The following MAP2 variants were observed in gnomAD, a reference collection of about 807,000 sequenced individuals.
The protein encoded by MAP2 is microtubule-associated protein 2.
A neutral mutation model predicts 137.6 loss-of-function variants in MAP2; 14 were observed. The observed-to-expected ratio is 0.10, with a 90% confidence interval of 0.07 to 0.16. The LOEUF (loss-of-function observed/expected upper bound fraction) is 0.16. Ranked by LOEUF, MAP2 falls within the 10% of genes least tolerant of loss-of-function variation. MAP2 has a pLI of 1.00. For missense variants in MAP2, 2,088 were observed against 2,191.5 expected (o/e 0.95, Z 0.94); for synonymous variants, 786 against 782.3 (o/e 1.00, Z -0.08).
At chr2:209,619,871 C>T (rs949441767) in intron 3 of MAP2, among the ~76,000 whole-genome samples, 2 of 152,108 alleles carry the variant, frequency 1.3e-5, no homozygotes, top group African/African-American at 4.8e-5. Context: ...GTTTCTCCAC[C>T]CCTTGCATTT....
intron 1 of MAP2, among the ~76,000 whole-genome samples, chr2:209,433,714 A>G (rs1694942290): frequency 6.6e-6 from 1 of 152,146 alleles, no homozygotes; most frequent in Non-Finnish European, 1.5e-5. Context: ...AAACAAGAGT[A>G]GACTTTTGGT....
chr2:209,465,355 A>G (rs546673310), intron 1 of MAP2, among the ~76,000 whole-genome samples: 157 of 152,294 alleles, frequency 1.0e-3, no homozygotes, highest in Non-Finnish European at 1.8e-3. Flanking sequence ...CTATCATTGG[A>G]GTGAGTAATA....
intron 7 of MAP2, among the ~76,000 whole-genome samples, chr2:209,691,846 G>C (rs1195002786): frequency 6.6e-6 from 1 of 152,128 alleles, no homozygotes; most frequent in African/African-American, 2.4e-5. Context: ...AGTATCAACA[G>C]TGTAATTCAG....
At chr2:209,647,344 T>C (rs1057382259) in intron 4 of MAP2, among the ~76,000 whole-genome samples, 2 of 152,176 alleles carry the variant, frequency 1.3e-5, no homozygotes, top group African/African-American at 4.8e-5. Flanking sequence ...TACCAAAACC[T>C]TTTAATCAAA....
rs114508396 is a variant in MAP2 at position 209,598,049 on chromosome 2, A to G, written c.-107+17949A>G. On this transcript the variant is annotated intron_variant, in intron 3 of 15. Coordinates refer to ENST00000682079, the MANE Select transcript of MAP2 (RefSeq NM_001375505.1). ...GAGACTGAGTCTTGCTCTGTCGCCC[A>G]GTCTGGAGTGTAGTGGCGCAACCTT... 3.4e-3 allele frequency among the ~76,000 whole-genome samples: 520 copies of G among 152,040 alleles called. 2 individuals are homozygous for G. Among genetic ancestry groups the G allele is most frequent in the South Asian group, 8.9e-3 (43 of 4,822 alleles).
At chr2:209,620,696 G>A (rs940281394) in intron 3 of MAP2, among the ~76,000 whole-genome samples, 1 of 152,150 alleles carries the variant, frequency 6.6e-6, no homozygotes, top group Non-Finnish European at 1.5e-5. Context: ...TTGAATAATA[G>A]ATATTTTCCC....
intron 11 of MAP2, among the ~76,000 whole-genome samples, 167 bp downstream of exon 11, chr2:209,700,505 C>T (rs899734116): frequency 3.9e-5 from 6 of 152,130 alleles, no homozygotes; most frequent in African/African-American, 9.7e-5. Context: ...GAAGGATGAA[C>T]GTCTTCTGGG....
intron 5 of MAP2, among the ~76,000 whole-genome samples, chr2:209,675,509 T>C (rs1460158082): frequency 6.6e-6 from 1 of 151,886 alleles, no homozygotes; most frequent in Non-Finnish European, 1.5e-5. Context: ...AGGTAATACT[T>C]CTATTCTCCT....
intron 2 of MAP2, among the ~76,000 whole-genome samples, chr2:209,539,623 T>C (rs2066545431): frequency 6.6e-6 from 1 of 152,204 alleles, no homozygotes; most frequent in Non-Finnish European, 1.5e-5. Flanking sequence ...TGGGTTGTCT[T>C]TTATTATAAT....
intron 1 of MAP2, among the ~76,000 whole-genome samples, chr2:209,459,011 A>T (rs1559188055): frequency 6.6e-6 from 1 of 152,214 alleles, no homozygotes; most frequent in Non-Finnish European, 1.5e-5. Context: ...GCAAAGTTGA[A>T]TGATAAGGAA....
chr2:209,723,568 A>G, intron 13 of MAP2: 1 of 1,371,766 alleles, frequency 7.3e-7, no homozygotes, highest in Non-Finnish European at 1.0e-6. Flanking sequence ...AAAAATGCAC[A>G]GTGAAGTTAC....
chr2:209,731,883 T>A lies in MAP2; in HGVS notation c.*1486T>A, dbSNP rs577215690. On this transcript the variant is annotated 3_prime_UTR_variant, in exon 16 of 16. Transcript: ENST00000682079. Reference sequence around the variant, plus strand: ...GACTCCAACATTGCACTCTGTAAAGTAACACACTGTGATCTAGTATTATTT... The same window carrying A: ...GACTCCAACATTGCACTCTGTAAAGAAACACACTGTGATCTAGTATTATTT... 1 of 152,264 alleles carries A rather than the reference T, an allele frequency of 6.6e-6. No individual in the cohort carries two copies. The highest frequency in any genetic ancestry group is 6.5e-5 in the Admixed American group (1 of 15,294). 9.4% of individuals were successfully genotyped at this position (152,264 alleles called of 1,614,324 possible). A position where few individuals can be genotyped will look rare whatever the true frequency, so the allele number is the denominator to read the frequency against.
chr2:209,652,217 T>C (rs2094851171), intron 4 of MAP2, among the ~76,000 whole-genome samples: 1 of 152,206 alleles, frequency 6.6e-6, no homozygotes. Context: ...TTAACATGTA[T>C]AGAACACCTC....
chr2:209,462,875 A>C (rs1703166717), intron 1 of MAP2, among the ~76,000 whole-genome samples: 1 of 152,190 alleles, frequency 6.6e-6, no homozygotes, highest in South Asian at 2.1e-4. Context: ...TCCATTGTAA[A>C]TAATCTTATA....
chr2:209,632,802 C>A (rs1030391288), intron 4 of MAP2, among the ~76,000 whole-genome samples: 5 of 152,128 alleles, frequency 3.3e-5, no homozygotes, highest in African/African-American at 1.2e-4. Flanking sequence ...TGAAGTATCT[C>A]AGAAATCTGA....
At chr2:209,687,591 C>A (rs895138977) in intron 7 of MAP2, among the ~76,000 whole-genome samples, 1 of 152,136 alleles carries the variant, frequency 6.6e-6, no homozygotes, top group Non-Finnish European at 1.5e-5. Flanking sequence ...TTGCTAATTT[C>A]CCTTCATCCT....
Position 209,732,304 on chromosome 2 carries a change from C to T in MAP2, c.*1907C>T, listed in dbSNP as rs1254641088. 6.6e-6 allele frequency: 1 copy of T among 152,194 alleles called. No individual in the cohort carries two copies. The highest frequency in any genetic ancestry group is 1.5e-5 in the Non-Finnish European group (1 of 68,054). The allele number at this position is 152,194 out of a possible 1,614,324, so 9.4% of individuals were successfully genotyped here. On this transcript the variant is annotated 3_prime_UTR_variant, in exon 16 of 16. Coordinates refer to ENST00000682079, the MANE Select transcript of MAP2 (RefSeq NM_001375505.1). ...TTTGGTGACCCAGTGGATATGGCAA[C>T]CAGTGTAACTGCCATACAAGAAACC...
At chr2:209,655,416 T>A (rs1004752771) in intron 5 of MAP2, among the ~76,000 whole-genome samples, 2 of 152,232 alleles carry the variant, frequency 1.3e-5, no homozygotes, top group African/African-American at 4.8e-5. Flanking sequence ...CCATGAGATA[T>A]GCATGTGTAG....
At chr2:209,583,014 G>T (rs961914301) in intron 3 of MAP2, among the ~76,000 whole-genome samples, 1 of 151,988 alleles carries the variant, frequency 6.6e-6, no homozygotes, top group African/African-American at 2.4e-5. Context: ...TTTTCTAGCA[G>T]ATTTTTGGTA....
Sources: allele counts gnomAD v4.1 joint callset (sites outside exome capture counted in the v4.1 genomes callset), GRCh38; gene constraint gnomAD v4.1.1; transcripts MANE v1.5; gene names NCBI Gene and HGNC (gene_info 2026-07-23, HGNC 2026-07-21).